The following LINGO2 variants were observed in gnomAD, a reference collection of about 807,000 sequenced individuals.
The protein encoded by LINGO2 is leucine-rich repeat and immunoglobulin-like domain-containing nogo receptor-interacting protein 2.
A neutral mutation model predicts 30.6 loss-of-function variants in LINGO2; 14 were observed. That is an observed-to-expected ratio of 0.46 (90% CI 0.30 to 0.72). The LOEUF (loss-of-function observed/expected upper bound fraction) is 0.72. Ranked by LOEUF, LINGO2 falls within the 30% of genes least tolerant of loss-of-function variation. LINGO2 has a pLI of 0.07. For missense variants in LINGO2, 729 were observed against 751.7 expected, an observed-to-expected ratio of 0.97 and a Z score of 0.35; for synonymous variants, 317 against 288.5, an observed-to-expected ratio of 1.10 and a Z score of -1.00.
chr9:28,359,829 T>A (rs145845228), intron 3 of LINGO2, among the ~76,000 whole-genome samples: 20 of 152,258 alleles, frequency 1.3e-4, no homozygotes, highest in Admixed American at 1.2e-3. Flanking sequence ...CATGCTTCCC[T>A]CTCAGAAACA....
chr9:29,007,451 G>A, the LINGO2 span, among the ~76,000 whole-genome samples: 1 of 151,986 alleles, frequency 6.6e-6, no homozygotes, highest in East Asian at 1.9e-4. Flanking sequence ...AATGGAAGAT[G>A]GTTTAAATAT....
At chr9:27,981,542 AAAAAAAAAGAAAAAAAAGAAAAAAAAAG>A (rs1820860358) in intron 5 of LINGO2, among the ~76,000 whole-genome samples, 1 of 122,742 alleles carries the variant, frequency 8.1e-6, no homozygotes, top group African/African-American at 3.0e-5. Context: ...GGCAAAAAAA[AAAAAAAAAGAAAAAAAAGAAAAAAAAAG>A]AAAAAAAAAA....
At chr9:28,105,854 G>C (rs1207609115) in intron 4 of LINGO2, among the ~76,000 whole-genome samples, 3 of 152,040 alleles carry the variant, frequency 2.0e-5, no homozygotes, top group Non-Finnish European at 2.9e-5. Context: ...CCAGAAACTT[G>C]ATCTCGGATT....
the LINGO2 span, among the ~76,000 whole-genome samples, chr9:29,174,519 A>T: frequency 2.0e-5 from 3 of 152,368 alleles, no homozygotes; most frequent in South Asian, 6.2e-4. Flanking sequence ...AAACTACTTA[A>T]CAGAAATTTC....
chr9:27,986,860 C>G (rs972980661), intron 5 of LINGO2, among the ~76,000 whole-genome samples: 2 of 151,872 alleles, frequency 1.3e-5, no homozygotes, highest in Non-Finnish European at 2.9e-5. Context: ...TACATGGTAT[C>G]TTTTTGGGGA....
chr9:29,110,076 C>G, the LINGO2 span, among the ~76,000 whole-genome samples: 50 of 152,256 alleles, frequency 3.3e-4, no homozygotes, highest in African/African-American at 1.1e-3. Context: ...CAACAAGAAA[C>G]AATTCTCACT....
In LINGO2 at chr9:28,174,960, G is replaced by C. The variant is rs374093222; in HGVS notation, c.-87+120248C>G. On this transcript the variant is annotated intron_variant, in intron 4 of 5. Transcript: ENST00000379992. ...AGAGAGAGAGAGAGACAGACAGAGAGAAAGAGACAGAGACCCATTAGCAGG... is the reference window on the plus strand; with the variant it reads ...AGAGAGAGAGAGAGACAGACAGAGACAAAGAGACAGAGACCCATTAGCAGG... Among the ~76,000 whole-genome samples the C allele has an allele frequency of 4.1e-4, 62 of 151,316 alleles. 1 individual carries two copies. The East Asian group carries it at 7.8e-3, about 19-fold the overall frequency.
At position 28,238,246 on chromosome 9, in the gene LINGO2, GACA is replaced by G. The variant is rs200427123; in HGVS notation, c.-87+56959_-87+56961del. ...AATATTTACCAGGCAGAAAATCAAC[GACA>G]ACAACAACAACAAAAAATGGGACTT... On this transcript the variant is annotated intron_variant, in intron 4 of 5. Coordinates refer to ENST00000379992, the Ensembl canonical transcript of LINGO2. 6.3e-3 allele frequency among the ~76,000 whole-genome samples: 952 copies of G among 151,822 alleles called. 8 individuals carry two copies. Among genetic ancestry groups the G allele is most frequent in the African/African-American group, 0.021 (865 of 41,412 alleles).
At chr9:28,221,909 T>C (rs773799597) in intron 4 of LINGO2, among the ~76,000 whole-genome samples, 5 of 152,188 alleles carry the variant, frequency 3.3e-5, no homozygotes, top group African/African-American at 4.8e-5. Context: ...ATATTTTAGC[T>C]AAAGCACTTC....
chr9:28,232,768 C>T (rs568413213), intron 4 of LINGO2, among the ~76,000 whole-genome samples: 4 of 151,684 alleles, frequency 2.6e-5, no homozygotes, highest in Non-Finnish European at 5.9e-5. Flanking sequence ...CCTACTCCCT[C>T]ACTCCCCATG....
the LINGO2 span, among the ~76,000 whole-genome samples, chr9:28,841,955 G>A: frequency 3.3e-5 from 5 of 151,630 alleles, no homozygotes; most frequent in African/African-American, 1.2e-4. Flanking sequence ...GGGGTAGGAG[G>A]GCATTCTATT....
chr9:28,510,344 A>T (rs1820321466), intron 1 of LINGO2, among the ~76,000 whole-genome samples: 1 of 147,530 alleles, frequency 6.8e-6, no homozygotes, highest in Non-Finnish European at 1.5e-5. Flanking sequence ...CATATTTTGT[A>T]TGTTATATGT....
At chr9:27,994,787 A>C (rs977785623) in intron 5 of LINGO2, among the ~76,000 whole-genome samples, 1 of 152,128 alleles carries the variant, frequency 6.6e-6, no homozygotes, top group African/African-American at 2.4e-5. Context: ...TGGGGAAAGA[A>C]GTAGGGGACT....
chr9:28,626,058 T>C (rs1355173737), intron 1 of LINGO2, among the ~76,000 whole-genome samples: 1 of 152,156 alleles, frequency 6.6e-6, no homozygotes, highest in Non-Finnish European at 1.5e-5. Context: ...ATTTGAGAAT[T>C]CCGCTTGCTT....
chr9:28,562,327 G>T (rs1022630950), intron 1 of LINGO2, among the ~76,000 whole-genome samples: 67 of 151,714 alleles, frequency 4.4e-4, no homozygotes, highest in African/African-American at 1.5e-3. Context: ...GTGAGCTAAG[G>T]CTTTCCTGAC....
At chr9:28,551,439 A>G (rs1436467995) in intron 1 of LINGO2, among the ~76,000 whole-genome samples, 1 of 151,976 alleles carries the variant, frequency 6.6e-6, no homozygotes, top group African/African-American at 2.4e-5. Flanking sequence ...CCAAACTATT[A>G]TTGAAATAGT....
At chr9:29,145,977 C>A in the LINGO2 span, among the ~76,000 whole-genome samples, 3 of 151,890 alleles carry the variant, frequency 2.0e-5, no homozygotes, top group Non-Finnish European at 4.4e-5. Context: ...TTATTGAAAC[C>A]ATTACAAGTT....
In LINGO2 at chr9:28,243,794, C is replaced by A. The variant is rs370536277; in HGVS notation, c.-87+51414G>T. On this transcript the variant is annotated intron_variant, in intron 4 of 5. Transcript: ENST00000379992. ...GAGCTGACTATCCTAAATATATATG[C>A]ACCCAATACAAGAGCACCCAGATTC... Among the ~76,000 whole-genome samples the A allele has an allele frequency of 9.0e-4, 137 of 152,236 alleles. 2 individuals are homozygous for A. The South Asian group carries it at 0.026, about 29-fold the overall frequency.
chr9:28,943,895 T>C, the LINGO2 span, among the ~76,000 whole-genome samples: 1 of 152,210 alleles, frequency 6.6e-6, no homozygotes, highest in South Asian at 2.1e-4. Context: ...GAGCTAAGAT[T>C]AACTTCGTAA....
Sources: gnomAD v4.1 joint callset for allele counts (sites outside exome capture counted in the v4.1 genomes callset) on GRCh38, gnomAD v4.1.1 for gene constraint, MANE v1.5 for transcripts, NCBI Gene and HGNC (gene_info 2026-07-23, HGNC 2026-07-21) for gene names.